The following BMS1 variants were observed in gnomAD, a reference collection of about 807,000 sequenced individuals.
BMS1 encodes ribosome biogenesis protein BMS1 homolog.
Under a neutral mutation model 138.7 loss-of-function variants are expected in BMS1, and 53 were observed. That is an observed-to-expected ratio of 0.38 (90% CI 0.31 to 0.48). The LOEUF is 0.48. Ranked by LOEUF, BMS1 falls within the 20% of genes least tolerant of loss-of-function variation. BMS1 has a pLI of 0.97. For synonymous variants in BMS1, 504 were observed against 539.9 expected, an observed-to-expected ratio of 0.93 and a Z score of 0.92; for missense variants, 1,360 against 1,565.5, an observed-to-expected ratio of 0.87 and a Z score of 2.22.
In BMS1 at chr10:42,808,359, C is replaced by T. The variant is rs563211840; in HGVS notation, c.2329+6141C>T. On this transcript the variant is annotated intron_variant, in intron 13 of 22. Coordinates refer to ENST00000374518, the MANE Select transcript of BMS1 (RefSeq NM_014753.4). ...TGTTGCCCAGGCTGGAGTGCAGTGG[C>T]GCGATCTCCACTCACTGCAAGCTCT... Among the ~76,000 whole-genome samples the T allele has an allele frequency of 7.9e-5, 12 of 151,498 alleles. No individual in the cohort carries two copies. The East Asian group carries it at 1.7e-3, about 22-fold the overall frequency.
At chr10:42,827,795 G>C (rs867212525) in intron 21 of BMS1, among the ~76,000 whole-genome samples, 3 of 152,060 alleles carry the variant, frequency 2.0e-5, no homozygotes, top group South Asian at 2.1e-4. Context: ...ATAGTTGTTT[G>C]CTGCTTTGGC....
At chr10:42,792,195 G>A (rs1012949520) in intron 6 of BMS1, among the ~76,000 whole-genome samples, 4 of 152,080 alleles carry the variant, frequency 2.6e-5, no homozygotes, top group Admixed American at 6.6e-5. Context: ...GCACAGGCTC[G>A]CCCTCTTCCA....
intron 2 of BMS1, among the ~76,000 whole-genome samples, chr10:42,785,070 C>G (rs1426476055): frequency 6.6e-6 from 1 of 152,178 alleles, no homozygotes; most frequent in Non-Finnish European, 1.5e-5. Flanking sequence ...CAAGTTACCT[C>G]CAATCATATA....
intron 21 of BMS1, among the ~76,000 whole-genome samples, chr10:42,827,427 A>G (rs142198648): frequency 5.3e-5 from 8 of 152,314 alleles, no homozygotes; most frequent in Non-Finnish European, 1.0e-4. Flanking sequence ...GATATAGAGC[A>G]ACAAAGCCTG....
rs777741300 is a variant in BMS1 at position 42,833,387 on chromosome 10, G to A, written c.*2291G>A. The A allele has an allele frequency of 6.6e-6, 1 of 152,222 alleles. No individual in the cohort carries two copies. The highest frequency in any genetic ancestry group is 1.9e-4 in the East Asian group (1 of 5,204). The allele number at this position is 152,222 out of a possible 1,614,324, so 9.4% of individuals were successfully genotyped here. A position where few individuals can be genotyped will look rare whatever the true frequency, so the allele number is the denominator to read the frequency against. On this transcript the variant is annotated 3_prime_UTR_variant, in exon 23 of 23. Coordinates refer to ENST00000374518, the MANE Select transcript of BMS1 (RefSeq NM_014753.4). Reference sequence around the variant, plus strand: ...CAGTCACACATCAGTTAAGGATGGGGATATATTCTGAGAAATGTATCATTA... The same window carrying A: ...CAGTCACACATCAGTTAAGGATGGGAATATATTCTGAGAAATGTATCATTA...
chr10:42,793,260 C>G, intron 8 of BMS1, 116 bp downstream of exon 8: 1 of 1,113,830 alleles, frequency 9.0e-7, no homozygotes. Flanking sequence ...TTCTCTTGTA[C>G]TTATAATAAA....
At chr10:42,792,402 T>C in intron 6 of BMS1, 91 bp from the exon 7 acceptor site, 1 of 1,511,278 alleles carries the variant, frequency 6.6e-7, no homozygotes, top group Non-Finnish European at 8.9e-7. Flanking sequence ...ACGTGCTTAA[T>C]GGACAAGAGT....
chr10:42,793,231 T>A, intron 8 of BMS1, 87 bp downstream of exon 8: 1 of 1,353,032 alleles, frequency 7.4e-7, no homozygotes, highest in Non-Finnish European at 9.8e-7. Context: ...TGTACTCAGC[T>A]TTTATTTATT....
Position 42,791,661 on chromosome 10 carries a change from A to G in BMS1, c.671A>G (p.His224Arg), listed in dbSNP as rs755837824. Residue 224 changes from histidine to arginine, a missense_variant, in exon 6 of 23, where the codon CAT (histidine) becomes CGT (arginine). By Grantham distance (29) the His-to-Arg change is conservative. Transcript: ENST00000374518. ...CTGTTCTACCTTTCTGGAATGGTGCATGGAGAATATCAAAACCAAGAAATC... is the reference window on the plus strand; with the variant it reads ...CTGTTCTACCTTTCTGGAATGGTGCGTGGAGAATATCAAAACCAAGAAATC... ...AKLFYLSGMV[H>R]GEYQNQEIHN... The G allele has an allele frequency of 1.9e-6, 3 of 1,613,678 alleles. No individual in the cohort carries two copies. Among genetic ancestry groups the G allele is most frequent in the South Asian group, 1.1e-5 (1 of 91,042 alleles).
In BMS1 at chr10:42,790,529, T is replaced by C. The variant is rs963536066; in HGVS notation, c.636+18T>C. Reference sequence around the variant, plus strand: ...TTTACCCGGTACGAAGAGAAATAATTGTTGGATACTAACAGTATAATCCTT... The same window carrying C: ...TTTACCCGGTACGAAGAGAAATAATCGTTGGATACTAACAGTATAATCCTT... On this transcript the variant is annotated intron_variant, in intron 5 of 22. Coordinates refer to ENST00000374518, the MANE Select transcript of BMS1 (RefSeq NM_014753.4). 1.2e-6 allele frequency: 2 copies of C among 1,611,396 alleles called. No individual in the cohort carries two copies. The highest frequency in any genetic ancestry group is 3.3e-5 in the Admixed American group (2 of 59,908).
At chr10:42,790,577 G>C (rs1246822885) in intron 5 of BMS1, 66 bp downstream of exon 5, 2 of 1,534,548 alleles carry the variant, frequency 1.3e-6, no homozygotes, top group Non-Finnish European at 1.8e-6. Context: ...GAAGAGGCCG[G>C]GTGCAGTGGC....
chr10:42,785,126 T>C (rs1841285822), intron 2 of BMS1, among the ~76,000 whole-genome samples: 1 of 152,210 alleles, frequency 6.6e-6, no homozygotes, highest in Non-Finnish European at 1.5e-5. Flanking sequence ...CCTCTGCTCT[T>C]ATCTGCTATG....
intron 9 of BMS1, among the ~76,000 whole-genome samples, chr10:42,794,524 A>G (rs1841613009): frequency 6.6e-6 from 1 of 151,164 alleles, no homozygotes; most frequent in Non-Finnish European, 1.5e-5. Context: ...GACTCCCAGT[A>G]AAATTTATCT....
At chr10:42,801,482 G>T (rs887175487) in intron 12 of BMS1, among the ~76,000 whole-genome samples, 1 of 152,182 alleles carries the variant, frequency 6.6e-6, no homozygotes, top group African/African-American at 2.4e-5. Context: ...GTGGGTTCCA[G>T]TTTCACCAGT....
chr10:42,792,530 A>G lies in BMS1; in HGVS notation c.817A>G (p.Asn273Asp). 6.2e-7 allele frequency: 1 copy of G among 1,611,026 alleles called. No individual in the cohort carries two copies. Among genetic ancestry groups the G allele is most frequent in the Non-Finnish European group, 8.5e-7 (1 of 1,179,536 alleles). The change falls in exon 7 of 23, where the codon AAC becomes GAC. Residue 273 changes from asparagine (N) to aspartate (D), a missense_variant. Asn to Asp is a conservative substitution (Grantham distance 23). Around this residue, in one of 3 missense-constraint regions of BMS1, gnomAD observed 697 missense variants for 686.2 expected, o/e 1.02. Coordinates refer to ENST00000374518, the MANE Select transcript of BMS1 (RefSeq NM_014753.4). ...DLTNPEDIRT[N>D]IKCDRKVSLY... is the part of the protein sequence containing the mutation. ...GACAAACCCAGAGGATATCCGAACAAACATCAAATGTGACCGGAAGGTGTC... is the reference window on the plus strand; with the variant it reads ...GACAAACCCAGAGGATATCCGAACAGACATCAAATGTGACCGGAAGGTGTC...
In BMS1 at chr10:42,791,673, A is replaced by G; in HGVS notation, c.683A>G (p.Gln228Arg). The G allele has an allele frequency of 6.2e-7, 1 of 1,613,788 alleles. No homozygotes were observed. Among genetic ancestry groups the G allele is most frequent in the Non-Finnish European group, 8.5e-7 (1 of 1,179,788 alleles). The change falls in exon 6 of 23, where the codon CAA becomes CGA. Residue 228 changes from glutamine (Q) to arginine (R), a missense_variant. By Grantham distance (43) the Gln-to-Arg change is conservative. Around this residue, in one of 3 missense-constraint regions of BMS1, gnomAD observed 238 missense variants for 311.1 expected, o/e 0.77. Coordinates refer to ENST00000374518, the MANE Select transcript of BMS1 (RefSeq NM_014753.4). ...TCTGGAATGGTGCATGGAGAATATC[A>G]AAACCAAGAAATCCACAATCTGGGC... ...YLSGMVHGEY[Q>R]NQEIHNLGRF...
rs774809970 is a variant in BMS1, at chr10:42,787,236, G to C, written c.436G>C (p.Val146Leu). ...TAACATGATGATTGATCTGGCTAAA[G>C]TAGCAGATCTGGTAAGTGAGCAGGG... is the stretch of plus-strand genomic sequence containing the variant. ...DINMMIDLAKVADLVLMLIDA... is the reference protein window; with the variant it reads ...DINMMIDLAKLADLVLMLIDA... The change falls in exon 4 of 23, where the codon GTA becomes CTA. Residue 146 changes from valine (V) to leucine (L), a missense_variant. Around this residue, in one of 3 missense-constraint regions of BMS1, gnomAD observed 238 missense variants for 311.1 expected, o/e 0.77. Transcript: ENST00000374518. 1 of 1,303,406 alleles carries C rather than the reference G, an allele frequency of 7.7e-7. No homozygotes were observed. Among genetic ancestry groups the C allele is most frequent in the Non-Finnish European group, 1.1e-6 (1 of 916,956 alleles). 80.7% of individuals were successfully genotyped at this position (1,303,406 alleles called of 1,614,324 possible).
chr10:42,793,195 A>T (rs1298501474), intron 8 of BMS1, 51 bp downstream of exon 8: 1 of 1,501,262 alleles, frequency 6.7e-7, no homozygotes, highest in Non-Finnish European at 8.9e-7. Context: ...TTCTTTCTGA[A>T]TCTATTTTTT....
intron 5 of BMS1, among the ~76,000 whole-genome samples, chr10:42,791,359 C>T (rs1253656384): frequency 6.6e-6 from 1 of 152,124 alleles, no homozygotes; most frequent in Non-Finnish European, 1.5e-5. Flanking sequence ...GGACCATTGG[C>T]CACAGAACCG....
Sources: allele counts gnomAD v4.1 joint callset (sites outside exome capture counted in the v4.1 genomes callset), GRCh38; gene constraint gnomAD v4.1.1; regional missense constraint gnomAD v4.1.1; transcripts MANE v1.5; gene names NCBI Gene and HGNC (gene_info 2026-07-23, HGNC 2026-07-21).